The following EIF2AK3 variants were observed in gnomAD, a reference collection of about 807,000 sequenced individuals.
EIF2AK3 encodes eukaryotic translation initiation factor 2 alpha kinase 3.
EIF2AK3 carries 50 observed loss-of-function variants against 113.5 expected under a neutral mutation model. That is an observed-to-expected ratio of 0.44 (90% CI 0.35 to 0.56). The LOEUF (loss-of-function observed/expected upper bound fraction) is 0.56. EIF2AK3 is among the 20% of genes least tolerant of loss of function. The pLI is 0.00. For synonymous variants in EIF2AK3, 448 were observed against 495.4 expected (o/e 0.90, Z 1.27); for missense variants, 1,185 against 1,378.0 (o/e 0.86, Z 2.22).
intron 3 of EIF2AK3, among the ~76,000 whole-genome samples, chr2:88,594,482 C>T (rs928199333): frequency 2.6e-5 from 4 of 152,146 alleles, no homozygotes; most frequent in African/African-American, 9.7e-5. Context: ...CAAGTGTGAG[C>T]CACCTTGCCT....
chr2:88,606,378 T>C (rs141021002), intron 2 of EIF2AK3, among the ~76,000 whole-genome samples: 1 of 152,196 alleles, frequency 6.6e-6, no homozygotes, highest in African/African-American at 2.4e-5. Context: ...TGGGATAAAT[T>C]AGCTTAGTTC....
intron 11 of EIF2AK3, among the ~76,000 whole-genome samples, chr2:88,578,752 T>C (rs937556361): frequency 1.3e-5 from 2 of 151,120 alleles, no homozygotes; most frequent in African/African-American, 4.9e-5. Flanking sequence ...AACCCTATCA[T>C]CTTAAGCATC....
rs1281430685 is a variant in EIF2AK3, at chr2:88,615,322, A to G, written c.309-1469T>C. On this transcript the variant is annotated intron_variant, in intron 1 of 16. Transcript: ENST00000303236. ...ACACCATCAGTCATTCCCTACTAGA[A>G]TATTCCCATCAGCATTTGCTATAAA... Among the ~76,000 whole-genome samples, 4 of 152,232 alleles carry G rather than the reference A, an allele frequency of 2.6e-5. No individual in the cohort carries two copies. In the East Asian group the frequency reaches 7.7e-4, roughly 29 times the overall value.
intron 2 of EIF2AK3, among the ~76,000 whole-genome samples, chr2:88,610,272 A>C (rs903743100): frequency 5.9e-5 from 9 of 152,230 alleles, no homozygotes; most frequent in African/African-American, 2.2e-4. Flanking sequence ...GAAATATGCC[A>C]ACATTTAAAA....
Position 88,575,442 on chromosome 2 carries a change from CTG to C in EIF2AK3, c.2039_2040del (p.Thr680ArgfsTer8). 1 of 1,606,232 alleles carries C rather than the reference CTG, an allele frequency of 6.2e-7. No individual in the cohort carries two copies. Among genetic ancestry groups the C allele is most frequent in the South Asian group, 1.1e-5 (1 of 91,074 alleles). ...GGGCTAGGAGAGCTGAGTGGCCAGT[CTG>C]TGCTAAAAGTGGGAGAAATACAAAG... ...MDEIWLKDES[T>X]DWPLSSPSPM... On this transcript the variant is annotated frameshift_variant and splice_region_variant, in exon 13 of 17. Coordinates refer to ENST00000303236, the MANE Select transcript of EIF2AK3 (RefSeq NM_004836.7). LOFTEE classifies it high-confidence loss of function.
At chr2:88,607,190 G>A (rs1675298075) in intron 2 of EIF2AK3, among the ~76,000 whole-genome samples, 1 of 152,090 alleles carries the variant, frequency 6.6e-6, no homozygotes, top group South Asian at 2.1e-4. Flanking sequence ...GTAGCCCAGA[G>A]ATCCTAAAGA....
intron 4 of EIF2AK3, among the ~76,000 whole-genome samples, chr2:88,592,763 C>CAAAAAA (rs149027884): frequency 9.6e-6 from 1 of 104,276 alleles, no homozygotes; most frequent in Admixed American, 1.0e-4. Context: ...AACTCGGTCT[C>CAAAAAA]AAAAAAAAAA....
rs141821640 is a variant in EIF2AK3 at position 88,559,510 on chromosome 2, CTGTGTG to C, written c.3088-537_3088-532del. ...CAATCCCCTGTGGATACCAAGATGA[CTGTGTG>C]TGTGTGTGTGTGTGTGTGTGTGTGT... On this transcript the variant is annotated intron_variant, in intron 15 of 16. Coordinates refer to ENST00000303236, the MANE Select transcript of EIF2AK3 (RefSeq NM_004836.7). Among the ~76,000 whole-genome samples, 699 of 141,424 alleles carry C rather than the reference CTGTGTG, an allele frequency of 4.9e-3. 3 individuals are homozygous for C. The highest frequency in any genetic ancestry group is 0.017 in the African/African-American group (631 of 37,948). The allele number at this position is 141,424 out of a possible 152,430, so 92.8% of individuals were successfully genotyped here. A position where few individuals can be genotyped will look rare whatever the true frequency, so the allele number is the denominator to read the frequency against.
At chr2:88,576,505 C>T in intron 12 of EIF2AK3, 49 bp downstream of exon 12, 1 of 1,609,788 alleles carries the variant, frequency 6.2e-7, no homozygotes, top group Middle Eastern at 1.7e-4. Flanking sequence ...ACATTGTAAT[C>T]ACACAAGCAA....
intron 13 of EIF2AK3, among the ~76,000 whole-genome samples, chr2:88,571,426 C>T (rs906441330): frequency 1.3e-5 from 2 of 152,182 alleles, no homozygotes; most frequent in Admixed American, 1.3e-4. Context: ...ATAAATAGAA[C>T]TTGCAATGTG....
At chr2:88,627,537 A>G (rs762232975), upstream of EIF2AK3, 17 of 381,936 alleles carry the variant, frequency 4.5e-5, no homozygotes, top group Non-Finnish European at 6.9e-5. Context: ...CTGCCACTCC[A>G]TGTTCCCAGG....
chr2:88,611,731 A>C (rs556516909), intron 2 of EIF2AK3, among the ~76,000 whole-genome samples: 1 of 152,234 alleles, frequency 6.6e-6, no homozygotes, highest in East Asian at 1.9e-4. Flanking sequence ...CCCAGGTTCA[A>C]GTGATTTTCC....
At chr2:88,603,681 T>C (rs899707200) in intron 2 of EIF2AK3, among the ~76,000 whole-genome samples, 1 of 152,218 alleles carries the variant, frequency 6.6e-6, no homozygotes, top group African/African-American at 2.4e-5. Flanking sequence ...TATCAGTCTC[T>C]CTCAATTTTA....
intron 10 of EIF2AK3, 123 bp downstream of exon 10, chr2:88,583,306 TA>T: frequency 1.4e-6 from 1 of 694,998 alleles, no homozygotes; most frequent in Non-Finnish European, 2.5e-6. Context: ...TGAATTTATT[TA>T]TTTATTGAGG....
chr2:88,584,090 G>A (rs1375892451), intron 9 of EIF2AK3, among the ~76,000 whole-genome samples: 2 of 152,138 alleles, frequency 1.3e-5, no homozygotes, highest in Non-Finnish European at 2.9e-5. Flanking sequence ...GTCAAATTGG[G>A]GCACTGTGGG....
chr2:88,591,148 T>C, intron 4 of EIF2AK3, 96 bp from the exon 5 acceptor site: 1 of 1,114,630 alleles, frequency 9.0e-7, no homozygotes, highest in South Asian at 1.3e-5. Context: ...AATACTAAAA[T>C]TATGTGATGA....
chr2:88,595,938 A>G (rs1451444606), intron 2 of EIF2AK3: 2 of 483,164 alleles, frequency 4.1e-6, no homozygotes, highest in Non-Finnish European at 7.5e-6. Context: ...ACCATGGGCC[A>G]AAAGGGTCCC....
At position 88,574,781 on chromosome 2, in the gene EIF2AK3, T is replaced by C; in HGVS notation, c.2702A>G (p.Asn901Ser). Residue 901 changes from asparagine to serine, a missense_variant, in exon 13 of 17, where the codon AAT (asparagine) becomes AGT (serine). Transcript: ENST00000303236. ...TCTCTCCTCTATGGTACATCGTCCA[T>C]TCATCCAGTCTTTGAGGTTTTCTTT... The part of the protein sequence containing the change: ...CRKENLKDWM[N>S]GRCTIEERER... 1.2e-6 allele frequency: 2 copies of C among 1,614,188 alleles called. No homozygotes were observed. The highest frequency in any genetic ancestry group is 1.7e-6 in the Non-Finnish European group (2 of 1,180,028).
At chr2:88,625,125 G>C (rs1023046915) in intron 1 of EIF2AK3, among the ~76,000 whole-genome samples, 1 of 152,150 alleles carries the variant, frequency 6.6e-6, no homozygotes, top group Non-Finnish European at 1.5e-5. Flanking sequence ...AGGGAGTGTG[G>C]GGTGGTGCCC....
Sources: allele counts gnomAD v4.1 joint callset (sites outside exome capture counted in the v4.1 genomes callset), GRCh38; gene constraint gnomAD v4.1.1; transcripts MANE v1.5; gene names NCBI Gene and HGNC (gene_info 2026-07-23, HGNC 2026-07-21).